The following RAB37 variants were observed in gnomAD, a reference collection of about 807,000 sequenced individuals.
The protein encoded by RAB37 is RAB37, member RAS oncogene family.
Under a neutral mutation model 33.1 loss-of-function variants are expected in RAB37, and 29 were observed. The observed-to-expected ratio is 0.88, with a 90% CI of 0.65 to 1.20. RAB37 has a LOEUF of 1.20. Ranked by LOEUF, RAB37 falls within the 50% of genes most tolerant of loss-of-function variation. RAB37 has a pLI of 0.00. For missense variants in RAB37, 299 were observed against 301.1 expected, an observed-to-expected ratio of 0.99 and a Z score of 0.05; for synonymous variants, 128 against 119.5, an observed-to-expected ratio of 1.07 and a Z score of -0.47.
intron 1 of RAB37, chr17:74,698,673 G>A: frequency 7.2e-7 from 1 of 1,395,378 alleles, no homozygotes; most frequent in Non-Finnish European, 9.4e-7. Context: ...ACACAAAGAA[G>A]GGAATGGAAC....
Position 74,745,372 on chromosome 17 carries a change from G to A in RAB37, c.633G>A (p.Glu211=), listed in dbSNP as rs369374557. The A allele has an allele frequency of 1.5e-5, 24 of 1,614,172 alleles. No individual in the cohort carries two copies. The highest frequency in any genetic ancestry group is 2.0e-5 in the Non-Finnish European group (24 of 1,180,022). The change falls in exon 9 of 9, where the codon GAG becomes GAA. Residue 211 remains glutamate (E), a synonymous_variant. Transcript: ENST00000392613. This position sits in a 1 kb window ranked among gnomAD's most constrained non-coding sequence, Gnocchi z 4.5. ...GCTTCCAGATCCGAGACTATGTAGAGTCCCAGAAGAAGCGCTCCAGCTGCT... is the reference window on the plus strand; with the variant it reads ...GCTTCCAGATCCGAGACTATGTAGAATCCCAGAAGAAGCGCTCCAGCTGCT... The part of the protein sequence containing the change: ...EPSFQIRDYV[E]SQKKRSSCCS...
chr17:74,744,174 C>A lies in RAB37; in HGVS notation c.367-134C>A. On this transcript the variant is annotated intron_variant, in intron 5 of 8. Transcript: ENST00000392613. This position sits in a 1 kb window ranked among gnomAD's most constrained non-coding sequence, Gnocchi z 4.2. ...CCATCCAGGCCTGGATGGGCCAGAACAAAGGTACAGATGAGAGAACGCACA... is the reference window on the plus strand; with the variant it reads ...CCATCCAGGCCTGGATGGGCCAGAAAAAAGGTACAGATGAGAGAACGCACA... 1.2e-6 allele frequency: 1 copy of A among 854,390 alleles called. No individual in the cohort carries two copies. Among genetic ancestry groups the A allele is most frequent in the Non-Finnish European group, 1.8e-6 (1 of 553,140 alleles). The allele number at this position is 854,390 out of a possible 1,614,324, so 52.9% of individuals were successfully genotyped here.
At chr17:74,696,101 T>C (rs2032442424) in intron 1 of RAB37, 1 of 1,477,676 alleles carries the variant, frequency 6.8e-7, no homozygotes, top group Non-Finnish European at 9.2e-7. Flanking sequence ...GGCACAGGAC[T>C]TCTCTGATAT....
At chr17:74,724,750 G>A (rs1158750734) in intron 1 of RAB37, among the ~76,000 whole-genome samples, 1 of 152,192 alleles carries the variant, frequency 6.6e-6, no homozygotes, top group Non-Finnish European at 1.5e-5. Context: ...TAAGGGTAGG[G>A]GAGATGACAA....
At chr17:74,731,034 G>T (rs552118455) in intron 2 of RAB37, among the ~76,000 whole-genome samples, 2 of 152,220 alleles carry the variant, frequency 1.3e-5, no homozygotes, top group African/African-American at 4.8e-5. Flanking sequence ...CGATGTTCTG[G>T]TGCATCTCAG....
rs1207534193 is a variant in RAB37, at chr17:74,744,842, T to C, written c.433-31T>C. ...TGGGCCCGCTGGGGCGGAGGCCTCCTTCCCCAGAGTGACCCATTTGGGCTT... is the reference window on the plus strand; with the variant it reads ...TGGGCCCGCTGGGGCGGAGGCCTCCCTCCCCAGAGTGACCCATTTGGGCTT... On this transcript the variant is annotated intron_variant, in intron 6 of 8. Transcript: ENST00000392613. The surrounding 1 kb of genome is among the most constrained non-coding windows in gnomAD (Gnocchi z 4.2). The C allele has an allele frequency of 6.2e-7, 1 of 1,613,730 alleles. No individual in the cohort carries two copies. Among genetic ancestry groups the C allele is most frequent in the East Asian group, 2.2e-5 (1 of 44,868 alleles).
intron 1 of RAB37, among the ~76,000 whole-genome samples, chr17:74,709,703 C>T (rs1383943993): frequency 4.0e-5 from 6 of 151,644 alleles, no homozygotes; most frequent in Non-Finnish European, 7.4e-5. Context: ...GTAGCTGGGA[C>T]GACAGGACCA....
In RAB37 at chr17:74,745,367, G is replaced by A; in HGVS notation, c.628G>A (p.Val210Ile). 1 of 1,614,140 alleles carries A rather than the reference G, an allele frequency of 6.2e-7. No individual in the cohort carries two copies. The highest frequency in any genetic ancestry group is 8.5e-7 in the Non-Finnish European group (1 of 1,180,016). ...DEPSFQIRDY[V>I]ESQKKRSSCC... The stretch of plus-strand genomic sequence containing the variant: ...GCCCAGCTTCCAGATCCGAGACTAT[G>A]TAGAGTCCCAGAAGAAGCGCTCCAG... Residue 210 changes from valine to isoleucine, a missense_variant, in exon 9 of 9, where the codon GTA (valine) becomes ATA (isoleucine). Physicochemically the swap from Val to Ile is conservative, Grantham distance 29. Transcript: ENST00000392613. This position sits in a 1 kb window ranked among gnomAD's most constrained non-coding sequence, Gnocchi z 4.5.
intron 1 of RAB37, chr17:74,705,266 T>C (rs1406278725): frequency 1.6e-5 from 11 of 701,208 alleles, no homozygotes; most frequent in African/African-American, 3.5e-5. Context: ...CAGATGGCTG[T>C]GGAGAGGCTG....
intron 1 of RAB37, among the ~76,000 whole-genome samples, chr17:74,711,133 G>T (rs933390610): frequency 1.2e-4 from 19 of 152,242 alleles, no homozygotes; most frequent in East Asian, 1.9e-4. Context: ...TTATTTAGAA[G>T]AGGGAAACAG....
At chr17:74,686,165 T>G (rs1415475554) in intron 1 of RAB37, among the ~76,000 whole-genome samples, 2 of 152,184 alleles carry the variant, frequency 1.3e-5, no homozygotes, top group Non-Finnish European at 2.9e-5. Context: ...CCATTTCGGC[T>G]TACCGTAACC....
chr17:74,706,007 A>G (rs1269830976), intron 1 of RAB37, among the ~76,000 whole-genome samples: 1 of 152,160 alleles, frequency 6.6e-6, no homozygotes, highest in African/African-American at 2.4e-5. Context: ...AAAACCAAAT[A>G]CCGCATGTTC....
chr17:74,720,182 T>A (rs1032331790), intron 1 of RAB37, among the ~76,000 whole-genome samples: 3 of 152,162 alleles, frequency 2.0e-5, no homozygotes, highest in African/African-American at 7.2e-5. Flanking sequence ...TCGAACCCAC[T>A]GGGTTCAGCC....
upstream of RAB37, among the ~76,000 whole-genome samples, chr17:74,733,801 C>T (rs1212251277): frequency 1.3e-5 from 2 of 152,018 alleles, no homozygotes; most frequent in Admixed American, 6.5e-5. Context: ...CCACTTCTGA[C>T]TCACCCGAGG....
At chr17:74,731,494 T>A (rs2144034838) in intron 2 of RAB37, among the ~76,000 whole-genome samples, 1 of 152,110 alleles carries the variant, frequency 6.6e-6, no homozygotes, top group East Asian at 1.9e-4. Context: ...CCTGTGTAGA[T>A]GCCTCTCAGT....
At chr17:74,675,531 T>C (rs868660397) in intron 1 of RAB37, among the ~76,000 whole-genome samples, 2 of 152,202 alleles carry the variant, frequency 1.3e-5, no homozygotes, top group African/African-American at 2.4e-5. Flanking sequence ...TGATGAGCTT[T>C]GTGAGAAGAG....
intron 1 of RAB37, among the ~76,000 whole-genome samples, chr17:74,717,808 TAA>T (rs34747683): frequency 4.5e-4 from 41 of 92,028 alleles, no homozygotes; most frequent in African/African-American, 1.0e-3. Context: ...AAACTCCATC[TAA>T]AAAAAAAAAA....
intron 1 of RAB37, among the ~76,000 whole-genome samples, chr17:74,703,989 G>A (rs911380966): frequency 2.0e-5 from 3 of 152,194 alleles, no homozygotes; most frequent in African/African-American, 7.2e-5. Flanking sequence ...TTCTGGACTT[G>A]GGAATTAGAC....
intron 1 of RAB37, chr17:74,704,963 T>G (rs1482304483): frequency 4.5e-6 from 3 of 666,858 alleles, no homozygotes; most frequent in Non-Finnish European, 7.6e-6. Flanking sequence ...AAAACTTTTG[T>G]CCTTCAGCTT....
Sources: gnomAD v4.1 joint callset for allele counts (sites outside exome capture counted in the v4.1 genomes callset) on GRCh38, gnomAD v4.1.1 for gene constraint, Gnocchi (gnomAD v3.1) non-coding constraint, MANE v1.5 for transcripts, NCBI Gene and HGNC (gene_info 2026-07-23, HGNC 2026-07-21) for gene names.